Variants in COL5A1 observed in about 807,000 individuals in gnomAD.
The protein encoded by COL5A1 is collagen type V alpha 1 chain.
In COL5A1, 16 loss-of-function variants were observed where a neutral mutation model predicts 263.7. That is an observed-to-expected ratio of 0.06 (90% CI 0.04 to 0.09). The LOEUF (loss-of-function observed/expected upper bound fraction) is 0.09. COL5A1 is among the 10% of genes least tolerant of loss of function. The pLI, the probability that COL5A1 is intolerant of heterozygous loss-of-function variation, is 1.00. For synonymous variants in COL5A1, 1,012 were observed against 1,004.5 expected (o/e 1.01, Z -0.14); for missense variants, 2,036 against 2,540.5 (o/e 0.80, Z 4.27).
At chr9:134,665,504 G>T (rs1029015578) in intron 1 of COL5A1, among the ~76,000 whole-genome samples, 6 of 152,238 alleles carry the variant, frequency 3.9e-5, no homozygotes. Context: ...ATCTAGGCTT[G>T]TCTATGATTA....
intron 63 of COL5A1, among the ~76,000 whole-genome samples, chr9:134,829,043 G>T (rs1480665709): frequency 6.6e-6 from 1 of 152,170 alleles, no homozygotes; most frequent in Non-Finnish European, 1.5e-5. Flanking sequence ...GCCAGGCAAG[G>T]CTGTGAGGAT....
At chr9:134,812,345 C>T (rs929894591) in intron 46 of COL5A1, 104 bp from the exon 47 acceptor site, 118 of 1,220,956 alleles carry the variant, frequency 9.7e-5, no homozygotes, top group Non-Finnish European at 1.1e-4. Flanking sequence ...CCCGGGGCTT[C>T]GGGGGCTCAG....
chr9:134,730,331 C>T lies in COL5A1; in HGVS notation c.1020C>T (p.Tyr340=), dbSNP rs1202896735. Residue 340 remains tyrosine, a synonymous_variant, in exon 7 of 66, where the codon TAC becomes TAT. Coordinates refer to ENST00000371817, the MANE Select transcript of COL5A1 (RefSeq NM_000093.5). ...EEDVGIGDYD[Y]VPSEDYYTPS... is the part of the protein sequence containing the mutation. ...ACGTCGGCATCGGGGACTATGACTA[C>T]GTGCCCAGTGAGGACTACTACACGC... The T allele has an allele frequency of 3.1e-6, 5 of 1,614,124 alleles. No individual in the cohort carries two copies. The highest frequency in any genetic ancestry group is 4.5e-5 in the East Asian group (2 of 44,900).
Position 134,798,147 on chromosome 9 carries a change from G to A in COL5A1, c.2899-261G>A, listed in dbSNP as rs10776905. On this transcript the variant is annotated intron_variant, in intron 36 of 65. Coordinates refer to ENST00000371817, the MANE Select transcript of COL5A1 (RefSeq NM_000093.5). The stretch of plus-strand genomic sequence containing the variant: ...GATACCAACTGGCCTCTTATGCCTC[G>A]GTTTCTCCCTTGGTAGATGAGGGTG... 0.52 allele frequency among the ~76,000 whole-genome samples: 78,487 copies of A among 151,970 alleles called. 20,548 individuals are homozygous for A. The highest frequency in any genetic ancestry group is 0.77 in the East Asian group (3,973 of 5,140).
Position 134,691,046 on chromosome 9 carries a change from C to T in COL5A1, c.244C>T (p.Gln82Ter). Residue 82 changes from glutamine (Q) to a stop codon, truncating the protein, a stop_gained, in exon 2 of 66, where the codon CAG becomes TAG. Transcript: ENST00000371817. LOFTEE classifies it high-confidence loss of function. ...CGCTTACAGAGTCACCAAAGACGCG[C>T]AGCTCAGCGCACCCACCAAGCAGCT... Reference protein sequence around the residue: ...DVAYRVTKDAQLSAPTKQLYP... With the variant: ...DVAYRVTKDA 6.2e-7 allele frequency: 1 copy of T among 1,613,568 alleles called. No homozygotes were observed. The highest frequency in any genetic ancestry group is 8.5e-7 in the Non-Finnish European group (1 of 1,180,050).
intron 4 of COL5A1, among the ~76,000 whole-genome samples, chr9:134,721,786 T>C (rs55820151): frequency 0.043 from 6,558 of 152,310 alleles, 212 homozygotes; most frequent in Non-Finnish European, 0.068. Context: ...CCGCTCTGTC[T>C]TGGAGCCTGG....
At position 134,805,346 on chromosome 9, in the gene COL5A1, A is replaced by G. The variant is rs906524404; in HGVS notation, c.3258+132A>G. 4.6e-6 allele frequency: 5 copies of G among 1,080,816 alleles called. No homozygotes were observed. The African/African-American group carries it at 6.2e-5, about 13-fold the overall frequency. The allele number at this position is 1,080,816 out of a possible 1,614,324, so 67.0% of individuals were successfully genotyped here. A position where few individuals can be genotyped will look rare whatever the true frequency, so the allele number is the denominator to read the frequency against. Reference sequence around the variant, plus strand: ...AGCCTGGGGAGGATGTGGAGGGGGGAAAATGGCCTTCAGGGAGATGCGGAC... The same window carrying G: ...AGCCTGGGGAGGATGTGGAGGGGGGGAAATGGCCTTCAGGGAGATGCGGAC... On this transcript the variant is annotated intron_variant, in intron 41 of 65. Transcript: ENST00000371817.
At position 134,822,482 on chromosome 9, in the gene COL5A1, C is replaced by T. The variant is rs558963908; in HGVS notation, c.4608+332C>T. ...CCAGCCCTCCCAATTCCCAGGAGCC[C>T]GGCCAGCCTGGCCCAGACAAGAGCA... On this transcript the variant is annotated intron_variant, in intron 59 of 65. Coordinates refer to ENST00000371817, the MANE Select transcript of COL5A1 (RefSeq NM_000093.5). Among the ~76,000 whole-genome samples the T allele has an allele frequency of 1.2e-4, 18 of 152,276 alleles. No homozygotes were observed. In the South Asian group the frequency reaches 1.9e-3, roughly 16 times the overall value.
chr9:134,769,025 G>A (rs1836781610), intron 25 of COL5A1, among the ~76,000 whole-genome samples: 1 of 152,202 alleles, frequency 6.6e-6, no homozygotes, highest in South Asian at 2.1e-4. Context: ...GTGCGTGCGT[G>A]CACACGTGCG....
At position 134,699,780 on chromosome 9, in the gene COL5A1, G is replaced by C; in HGVS notation, c.278-129G>C. The C allele has an allele frequency of 8.1e-6, 7 of 867,930 alleles. 1 individual carries two copies. In the South Asian group the frequency reaches 9.7e-5, roughly 12 times the overall value. The allele number at this position is 867,930 out of a possible 1,614,324, so 53.8% of individuals were successfully genotyped here. A position where few individuals can be genotyped will look rare whatever the true frequency, so the allele number is the denominator to read the frequency against. On this transcript the variant is annotated intron_variant, in intron 2 of 65. Transcript: ENST00000371817. ...TTGATCAAGGGGCAGATGTGCAGCA[G>C]ATGGCAGTGCCCCACGACGGGCAGC...
chr9:134,767,430 C>T (rs1366258920), intron 24 of COL5A1, 76 bp downstream of exon 24: 1 of 1,375,446 alleles, frequency 7.3e-7, no homozygotes, highest in Admixed American at 1.7e-5. Context: ...TGGGAGGACC[C>T]CTGGTATCCA....
chr9:134,761,680 G>A (rs1836449305), intron 18 of COL5A1, among the ~76,000 whole-genome samples: 1 of 152,216 alleles, frequency 6.6e-6, no homozygotes, highest in Admixed American at 6.5e-5. Flanking sequence ...TTGCGCTGCT[G>A]GGTGCTCAGT....
intron 64 of COL5A1, among the ~76,000 whole-genome samples, chr9:134,831,995 G>C (rs1162301551): frequency 6.6e-6 from 1 of 152,156 alleles, no homozygotes; most frequent in African/African-American, 2.4e-5. Flanking sequence ...CCAGGTGCAG[G>C]GGCTCATGCT....
At chr9:134,744,826 T>C (rs538107447) in intron 11 of COL5A1, among the ~76,000 whole-genome samples, 1 of 151,184 alleles carries the variant, frequency 6.6e-6, no homozygotes, top group East Asian at 2.0e-4. Flanking sequence ...CACTCATGCA[T>C]GCATGCACAC....
At chr9:134,764,106 T>G (rs1588522240) in intron 20 of COL5A1, among the ~76,000 whole-genome samples, 1 of 6,460 alleles carries the variant, frequency 1.5e-4, no homozygotes, top group Non-Finnish European at 2.9e-4. Context: ...GGGGTCAGTG[T>G]GGGGTGTCCG....
intron 1 of COL5A1, among the ~76,000 whole-genome samples, chr9:134,689,936 C>T (rs1055862116): frequency 1.3e-5 from 2 of 152,208 alleles, no homozygotes; most frequent in Non-Finnish European, 1.5e-5. Context: ...CAGTGCTTTT[C>T]CCATAAAACT....
chr9:134,786,021 A>G lies in COL5A1; in HGVS notation c.2619A>G (p.Pro873=), dbSNP rs1837445588. The change falls in exon 31 of 66, where the codon CCA becomes CCG. Residue 873 remains proline, a synonymous_variant. Transcript: ENST00000371817. ...EKGKLGVPGL[P]GYPGRQGPKG... is the part of the protein sequence containing the mutation. ...GAAAACTCGGAGTCCCAGGGTTACC[A>G]GGGTATCCAGGAAGACAAGGACCAA... 6.2e-7 allele frequency: 1 copy of G among 1,613,180 alleles called. No individual in the cohort carries two copies. Among genetic ancestry groups the G allele is most frequent in the South Asian group, 1.1e-5 (1 of 90,856 alleles).
intron 11 of COL5A1, 24 bp from the exon 12 acceptor site, chr9:134,750,518 T>G (rs757217583): frequency 6.2e-7 from 1 of 1,611,454 alleles, no homozygotes. Context: ...CTCTGACTTG[T>G]CTCTCTTGGC....
intron 53 of COL5A1, 100 bp downstream of exon 53, chr9:134,817,179 G>A: frequency 9.3e-7 from 1 of 1,071,408 alleles, no homozygotes; most frequent in Non-Finnish European, 1.4e-6. Flanking sequence ...GCTCTAAGCT[G>A]CACTGATGAG....
Sources: allele counts gnomAD v4.1 joint callset (sites outside exome capture counted in the v4.1 genomes callset), GRCh38; gene constraint gnomAD v4.1.1; transcripts MANE v1.5; gene names NCBI Gene and HGNC (gene_info 2026-07-23, HGNC 2026-07-21).